Variants in RBMS3 observed in about 807,000 individuals in gnomAD.
The protein encoded by RBMS3 is RNA-binding motif, single-stranded-interacting protein 3.
RBMS3 carries 27 observed loss-of-function variants against 66.8 expected under a neutral mutation model. That is an observed-to-expected ratio of 0.40 (90% CI 0.30 to 0.56). RBMS3 has a LOEUF of 0.56. RBMS3 is among the 20% of genes least tolerant of loss of function. The pLI is 0.40. For synonymous variants in RBMS3, 188 were observed against 183.0 expected (o/e 1.03, Z -0.22); for missense variants, 513 against 549.5 (o/e 0.93, Z 0.66).
rs1391568460 is a variant in RBMS3, at chr3:30,006,193, A to G, written c.*2331A>G. The G allele has an allele frequency of 6.6e-6, 1 of 151,922 alleles. No homozygotes were observed. The highest frequency in any genetic ancestry group is 2.4e-5 in the African/African-American group (1 of 41,424). 9.4% of individuals were successfully genotyped at this position (151,922 alleles called of 1,614,324 possible). A position where few individuals can be genotyped will look rare whatever the true frequency, so the allele number is the denominator to read the frequency against. On this transcript the variant is annotated 3_prime_UTR_variant, in exon 15 of 15. Coordinates refer to ENST00000383767, the MANE Select transcript of RBMS3 (RefSeq NM_001003793.3). ...GCAGGGAAATGTATTTAAGTGTACT[A>G]TAAAACAGGGTAGGCTTTTTAAAAA...
chr3:29,380,297 T>G (rs62235719), intron 1 of RBMS3, among the ~76,000 whole-genome samples: 21,800 of 151,960 alleles, frequency 0.14, 1,948 homozygotes, highest in Non-Finnish European at 0.2. Flanking sequence ...AAAAATATCC[T>G]GTAATTTTTA....
chr3:29,340,174 T>A (rs2125535550), intron 1 of RBMS3, among the ~76,000 whole-genome samples: 1 of 152,262 alleles, frequency 6.6e-6, no homozygotes, highest in East Asian at 1.9e-4. Context: ...TTGTGGAGCC[T>A]AGTTCAAAAT....
intron 3 of RBMS3, among the ~76,000 whole-genome samples, chr3:29,544,477 A>G (rs887486161): frequency 6.6e-6 from 1 of 152,100 alleles, no homozygotes; most frequent in Non-Finnish European, 1.5e-5. Flanking sequence ...AAAAGAAAAG[A>G]TCACTAAGCT....
intron 3 of RBMS3, among the ~76,000 whole-genome samples, chr3:29,535,309 G>C (rs1169490248): frequency 6.6e-6 from 1 of 152,110 alleles, no homozygotes; most frequent in Non-Finnish European, 1.5e-5. Context: ...TTTTCATCTT[G>C]ATAATTTGTG....
intron 1 of RBMS3, among the ~76,000 whole-genome samples, chr3:29,377,401 C>T (rs75478836): frequency 3.9e-5 from 6 of 152,238 alleles, no homozygotes; most frequent in African/African-American, 1.4e-4. Context: ...TAATAAGAAG[C>T]CAAGGTTGAA....
chr3:29,761,122 A>G (rs1164322604), intron 5 of RBMS3, among the ~76,000 whole-genome samples: 1 of 152,140 alleles, frequency 6.6e-6, no homozygotes, highest in Non-Finnish European at 1.5e-5. Context: ...AGGTGGCAAC[A>G]GCAGAACTTT....
chr3:29,623,060 G>A (rs1375067584), intron 4 of RBMS3, among the ~76,000 whole-genome samples: 3 of 144,936 alleles, frequency 2.1e-5, no homozygotes, highest in Non-Finnish European at 3.0e-5. Context: ...GCAGTGAGCC[G>A]AGATCGTACC....
chr3:29,818,771 C>T (rs932517551), intron 6 of RBMS3, among the ~76,000 whole-genome samples: 4 of 152,000 alleles, frequency 2.6e-5, no homozygotes, highest in African/African-American at 4.8e-5. Context: ...TACTTCATGT[C>T]CCTGAAAATA....
At chr3:29,654,376 G>T (rs1461507744) in intron 4 of RBMS3, among the ~76,000 whole-genome samples, 1 of 152,036 alleles carries the variant, frequency 6.6e-6, no homozygotes, top group African/African-American at 2.4e-5. Context: ...TATCATGTAG[G>T]CACTATCAAA....
chr3:29,804,302 T>A (rs1052235652), intron 6 of RBMS3, among the ~76,000 whole-genome samples: 1 of 152,190 alleles, frequency 6.6e-6, no homozygotes, highest in Non-Finnish European at 1.5e-5. Flanking sequence ...AGATCATTTT[T>A]AATTGATTAG....
chr3:29,527,826 A>T (rs1399843690), intron 3 of RBMS3, among the ~76,000 whole-genome samples: 1 of 129,956 alleles, frequency 7.7e-6, no homozygotes, highest in Non-Finnish European at 1.6e-5. Context: ...CTGGTGTGTG[A>T]TGTTCCCCTT....
intron 4 of RBMS3, among the ~76,000 whole-genome samples, chr3:29,649,580 T>C (rs2050068980): frequency 1.3e-5 from 2 of 152,158 alleles, no homozygotes; most frequent in South Asian, 4.1e-4. Context: ...ATTATAATCA[T>C]ATGTGGGAAC....
chr3:29,978,934 G>A (rs1223471505), intron 12 of RBMS3, among the ~76,000 whole-genome samples: 2 of 152,022 alleles, frequency 1.3e-5, no homozygotes, highest in African/African-American at 4.8e-5. Context: ...AGAAGTTCAA[G>A]ACCAGTCTGG....
At chr3:29,565,791 A>T (rs1218532839) in intron 3 of RBMS3, among the ~76,000 whole-genome samples, 2 of 152,180 alleles carry the variant, frequency 1.3e-5, no homozygotes, top group Non-Finnish European at 2.9e-5. Flanking sequence ...TTTAGTTTTA[A>T]ACTTTTATGT....
chr3:29,951,745 G>A (rs910770630), intron 12 of RBMS3, among the ~76,000 whole-genome samples: 3 of 151,438 alleles, frequency 2.0e-5, no homozygotes, highest in Non-Finnish European at 4.4e-5. Flanking sequence ...AAAAGAAATA[G>A]TAAGAGAGTT....
chr3:29,789,480 T>C (rs1159938948), intron 6 of RBMS3, among the ~76,000 whole-genome samples: 2 of 152,146 alleles, frequency 1.3e-5, no homozygotes, highest in East Asian at 3.8e-4. Context: ...TATTGAATAA[T>C]ACATTCTTTG....
chr3:29,564,160 A>T (rs1025926466), intron 3 of RBMS3, among the ~76,000 whole-genome samples: 14 of 152,192 alleles, frequency 9.2e-5, no homozygotes, highest in Admixed American at 2.0e-4. Context: ...CACATTGCAT[A>T]TGTAGCTAAT....
At chr3:29,543,691 CAG>C (rs1217874549) in intron 3 of RBMS3, among the ~76,000 whole-genome samples, 6 of 152,144 alleles carry the variant, frequency 3.9e-5, no homozygotes, top group African/African-American at 1.4e-4. Context: ...GCCTGGGTGA[CAG>C]AGAGAGACTC....
chr3:29,453,310 T>G (rs1057205918), intron 2 of RBMS3, among the ~76,000 whole-genome samples: 7 of 152,208 alleles, frequency 4.6e-5, no homozygotes, highest in African/African-American at 1.7e-4. Context: ...TAGATACCAC[T>G]GGATTGGATT....
Sources: allele counts gnomAD v4.1 joint callset (sites outside exome capture counted in the v4.1 genomes callset), GRCh38; gene constraint gnomAD v4.1.1; transcripts MANE v1.5; gene names NCBI Gene and HGNC (gene_info 2026-07-23, HGNC 2026-07-21).